ZNF92: variants seen among roughly 807,000 people sequenced by gnomAD.
ZNF92 encodes the protein epididymis luminal protein 203.
Under a neutral mutation model 12.4 loss-of-function variants are expected in ZNF92, and 11 were observed. That is an observed-to-expected ratio of 0.89 (90% CI 0.56 to 1.47). The LOEUF is 1.47. Ranked by LOEUF, ZNF92 falls within the 40% of genes most tolerant of loss-of-function variation. The pLI, the probability that ZNF92 is intolerant of heterozygous loss-of-function variation, is 0.00. For synonymous variants in ZNF92, 206 were observed against 228.6 expected (o/e 0.90, Z 0.89); for missense variants, 622 against 681.0 (o/e 0.91, Z 0.96).
At chr7:65,392,043 C>T (rs939392780) in intron 3 of ZNF92, among the ~76,000 whole-genome samples, 7 of 151,910 alleles carry the variant, frequency 4.6e-5, no homozygotes, top group African/African-American at 1.7e-4. Flanking sequence ...CTTGTTTTTA[C>T]GGTTTTAGCA....
At chr7:65,380,386 C>T (rs1057044128) in intron 1 of ZNF92, among the ~76,000 whole-genome samples, 1 of 152,072 alleles carries the variant, frequency 6.6e-6, no homozygotes, top group Non-Finnish European at 1.5e-5. Flanking sequence ...CCTACCTAAG[C>T]CCCCCAAGTA....
chr7:65,378,509 G>A (rs748308499), intron 1 of ZNF92, among the ~76,000 whole-genome samples: 6 of 152,006 alleles, frequency 3.9e-5, no homozygotes, highest in East Asian at 3.9e-4. Context: ...TTGGGAGGCC[G>A]AGGTGGGCGG....
rs138606911 is a variant in ZNF92, at chr7:65,378,159, G to A, written c.3+4159G>A. 8.6e-3 allele frequency among the ~76,000 whole-genome samples: 1,301 copies of A among 151,898 alleles called. 14 individuals are homozygous for A. The highest frequency in any genetic ancestry group is 0.012 in the Non-Finnish European group (832 of 67,952). ...CTAAAAGTACAAAAATCAGCTGGGT[G>A]TGGTGGCGGGCGACTGTAATCCCAG... On this transcript the variant is annotated intron_variant, in intron 1 of 3. Transcript: ENST00000328747.
rs1793636312 is a variant in ZNF92 at position 65,388,803 on chromosome 7, C to T, written c.131-3C>T. On this transcript the variant is annotated splice_region_variant and splice_polypyrimidine_tract_variant and intron_variant, in intron 2 of 3. Transcript: ENST00000328747. ...TTTATGTTATTTATTTTTAATAAAA[C>T]AGGTATTGCTGTCTCTAAGCCAGAC... The T allele has an allele frequency of 6.4e-7, 1 of 1,570,720 alleles. No homozygotes were observed. The highest frequency in any genetic ancestry group is 1.4e-5 in the African/African-American group (1 of 73,718).
intron 3 of ZNF92, among the ~76,000 whole-genome samples, chr7:65,389,719 G>A (rs1172093092): frequency 8.6e-5 from 13 of 151,746 alleles, no homozygotes; most frequent in Admixed American, 3.3e-4. Flanking sequence ...GTTTCTCCAC[G>A]TTGGCCAGGA....
chr7:65,374,486 A>G (rs1010206350), intron 1 of ZNF92, among the ~76,000 whole-genome samples: 2 of 152,048 alleles, frequency 1.3e-5, no homozygotes, highest in Admixed American at 1.3e-4. Context: ...TATGATTTGT[A>G]GTTTGTGGTC....
In ZNF92 at chr7:65,399,133, C is replaced by G; in HGVS notation, c.1019C>G (p.Pro340Arg). 6.2e-7 allele frequency: 1 copy of G among 1,612,864 alleles called. No individual in the cohort carries two copies. The highest frequency in any genetic ancestry group is 8.5e-7 in the Non-Finnish European group (1 of 1,179,472). The change falls in exon 4 of 4, where the codon CCA (proline) becomes CGA (arginine). Residue 340 changes from proline to arginine, a missense_variant. Physicochemically the swap from Pro to Arg is moderately radical, Grantham distance 103. Transcript: ENST00000328747. ...KHKIIHTGEK[P>R]YKCEECGKAF... ...AAGATAATCCATACTGGGGAAAAAC[C>G]ATACAAATGTGAAGAATGTGGCAAA...
chr7:65,393,232 G>GT (rs1414348324), intron 3 of ZNF92, among the ~76,000 whole-genome samples: 1 of 151,274 alleles, frequency 6.6e-6, no homozygotes, highest in East Asian at 1.9e-4. Context: ...GAGTGTGACT[G>GT]TTTAAGATAT....
chr7:65,386,706 C>G (rs1372516489), intron 1 of ZNF92, among the ~76,000 whole-genome samples: 1 of 152,006 alleles, frequency 6.6e-6, no homozygotes, highest in Non-Finnish European at 1.5e-5. Context: ...GTATCTCAAA[C>G]TTTGCATAAA....
At chr7:65,389,994 G>C (rs1474553969) in intron 3 of ZNF92, among the ~76,000 whole-genome samples, 2 of 150,984 alleles carry the variant, frequency 1.3e-5, no homozygotes, top group South Asian at 4.2e-4. Context: ...ACCATCCCTG[G>C]CTAATTTTTT....
intron 1 of ZNF92, among the ~76,000 whole-genome samples, chr7:65,376,368 A>G (rs1393611929): frequency 6.6e-6 from 1 of 152,108 alleles, no homozygotes; most frequent in Admixed American, 6.5e-5. Context: ...AAAAATTAAT[A>G]TCTAATCACA....
At chr7:65,385,664 G>A (rs908557415) in intron 1 of ZNF92, among the ~76,000 whole-genome samples, 23 of 151,376 alleles carry the variant, frequency 1.5e-4, no homozygotes, top group African/African-American at 5.1e-4. Context: ...AATCTCTTCT[G>A]TTATAGAGGA....
In ZNF92 at chr7:65,398,882, C is replaced by G; in HGVS notation, c.768C>G (p.Pro256=). The change falls in exon 4 of 4, where the codon CCC becomes CCG. Residue 256 remains proline, a synonymous_variant. Coordinates refer to ENST00000328747, the MANE Select transcript of ZNF92 (RefSeq NM_152626.4). ...KHKIIHTGEK[P]YKCEECGKAF... is the part of the protein sequence containing the mutation. ...AAATAATTCATACTGGAGAGAAACC[C>G]TACAAATGTGAAGAATGTGGCAAAG... The G allele has an allele frequency of 6.2e-7, 1 of 1,612,620 alleles. No homozygotes were observed. The highest frequency in any genetic ancestry group is 2.2e-5 in the East Asian group (1 of 44,822).
chr7:65,378,696 C>T (rs1343473613), intron 1 of ZNF92, among the ~76,000 whole-genome samples: 2 of 149,992 alleles, frequency 1.3e-5, no homozygotes, highest in Non-Finnish European at 1.5e-5. Context: ...GAGCCGAGAT[C>T]GTGCCACTGC....
At chr7:65,393,641 A>G (rs899356976) in intron 3 of ZNF92, among the ~76,000 whole-genome samples, 3 of 151,684 alleles carry the variant, frequency 2.0e-5, no homozygotes, top group African/African-American at 7.3e-5. Flanking sequence ...TTTTATTTTC[A>G]TTGCATCAAC....
In ZNF92 at chr7:65,398,376, G is replaced by C; in HGVS notation, c.262G>C (p.Glu88Gln). ...CSHFAQDVWP[E>Q]HSIKDSFQKV... ...TCATTTTGCCCAAGATGTTTGGCCA[G>C]AGCACAGCATAAAAGATTCTTTCCA... The change falls in exon 4 of 4, where the codon GAG becomes CAG. Residue 88 changes from glutamate (E) to glutamine (Q), a missense_variant. Physicochemically the swap from Glu to Gln is conservative, Grantham distance 29. Transcript: ENST00000328747. 1 of 1,589,742 alleles carries C rather than the reference G, an allele frequency of 6.3e-7. No homozygotes were observed. The highest frequency in any genetic ancestry group is 1.2e-5 in the South Asian group (1 of 86,842).
rs555626721 is a variant in ZNF92 at position 65,390,871 on chromosome 7, T to C, written c.226+1970T>C. 2.0e-4 allele frequency among the ~76,000 whole-genome samples: 31 copies of C among 152,268 alleles called. No individual in the cohort carries two copies. The South Asian group carries it at 6.2e-3, about 31-fold the overall frequency. On this transcript the variant is annotated intron_variant, in intron 3 of 3. Coordinates refer to ENST00000328747, the MANE Select transcript of ZNF92 (RefSeq NM_152626.4). ...CTGCCTGCATGGCTATAAATGGTTGTCTTCCTCCAGGCCGCTGGAAGGGCA... is the reference window on the plus strand; with the variant it reads ...CTGCCTGCATGGCTATAAATGGTTGCCTTCCTCCAGGCCGCTGGAAGGGCA...
rs1435575574 is a variant in ZNF92 at position 65,399,721 on chromosome 7, C to T, written c.1607C>T (p.Pro536Leu). The change falls in exon 4 of 4, where the codon CCC becomes CTC. Residue 536 changes from proline to leucine, a missense_variant. Coordinates refer to ENST00000328747, the MANE Select transcript of ZNF92 (RefSeq NM_152626.4). ...ARKIIYTGEK[P>L]YKYEECDKAF... is the part of the protein sequence containing the mutation. ...AAGATAATTTATACTGGAGAGAAAC[C>T]CTACAAATATGAAGAATGTGACAAA... 1 of 1,613,080 alleles carries T rather than the reference C, an allele frequency of 6.2e-7. No homozygotes were observed. Among genetic ancestry groups the T allele is most frequent in the Non-Finnish European group, 8.5e-7 (1 of 1,179,456 alleles).
At chr7:65,387,390 A>G (rs952094225) in intron 1 of ZNF92, among the ~76,000 whole-genome samples, 6 of 152,078 alleles carry the variant, frequency 3.9e-5, no homozygotes, top group Non-Finnish European at 8.8e-5. Context: ...AAACTGGGAA[A>G]ACCCACACTC....
Sources: gnomAD v4.1 joint callset for allele counts (sites outside exome capture counted in the v4.1 genomes callset) on GRCh38, gnomAD v4.1.1 for gene constraint, MANE v1.5 for transcripts, NCBI Gene and HGNC (gene_info 2026-07-23, HGNC 2026-07-21) for gene names.